Variants in C2CD5 observed in about 807,000 individuals in gnomAD.
C2CD5 encodes C2 calcium dependent domain containing 5, also known as C2 domain-containing protein 5.
A neutral mutation model predicts 130.3 loss-of-function variants in C2CD5; 109 were observed. The observed-to-expected ratio is 0.84, with a 90% CI of 0.72 to 0.98. The LOEUF is 0.98. Among genes scored for constraint, C2CD5 ranks in the 50% least tolerant of loss-of-function variants. C2CD5 has a pLI of 0.00. For missense variants in C2CD5, 996 were observed against 1,261.8 expected, an observed-to-expected ratio of 0.79 and a Z score of 3.19; for synonymous variants, 454 against 429.2, an observed-to-expected ratio of 1.06 and a Z score of -0.71.
At chr12:22,477,213 T>C (rs926423182) in intron 15 of C2CD5, 12 of 152,152 alleles carry the variant, frequency 7.9e-5, no homozygotes, top group African/African-American at 2.4e-4. Context: ...TATTTTACAC[T>C]ACTTTTTCAC....
At chr12:22,489,997 G>T in intron 12 of C2CD5, 126 bp downstream of exon 12, 1 of 619,172 alleles carries the variant, frequency 1.6e-6, no homozygotes, top group South Asian at 2.1e-5. Flanking sequence ...GAAGTGCTTG[G>T]TCCTGATTTC....
chr12:22,527,204 T>C (rs1950794577), intron 4 of C2CD5, among the ~76,000 whole-genome samples: 1 of 152,096 alleles, frequency 6.6e-6, no homozygotes. Context: ...TACTATACTA[T>C]ACAAATTTAG....
intron 7 of C2CD5, among the ~76,000 whole-genome samples, chr12:22,522,907 T>C (rs573334986): frequency 3.5e-4 from 54 of 152,290 alleles, no homozygotes; most frequent in Non-Finnish European, 5.1e-4. Flanking sequence ...TATTACTTAA[T>C]TTGTTTCATA....
chr12:22,470,006 G>GA (rs1358718772), intron 21 of C2CD5, among the ~76,000 whole-genome samples: 1 of 152,034 alleles, frequency 6.6e-6, no homozygotes, highest in Non-Finnish European at 1.5e-5. Flanking sequence ...TGACTCTTGT[G>GA]AAGCTTTAAG....
At chr12:22,503,395 T>C (rs1948058632) in intron 10 of C2CD5, among the ~76,000 whole-genome samples, 1 of 152,194 alleles carries the variant, frequency 6.6e-6, no homozygotes, top group South Asian at 2.1e-4. Flanking sequence ...TTTTCTTCAA[T>C]ATATTAAAAT....
chr12:22,485,662 C>T (rs1483981700), intron 12 of C2CD5, among the ~76,000 whole-genome samples: 3 of 152,058 alleles, frequency 2.0e-5, no homozygotes, highest in Admixed American at 6.5e-5. Context: ...TAGCAGGCCT[C>T]ATGTTTGAAT....
chr12:22,483,023 A>G (rs1441368682), intron 13 of C2CD5, among the ~76,000 whole-genome samples: 1 of 152,192 alleles, frequency 6.6e-6, no homozygotes, highest in East Asian at 1.9e-4. Context: ...ACAAGTTAAA[A>G]TAACTAAAAG....
intron 2 of C2CD5, among the ~76,000 whole-genome samples, chr12:22,538,884 C>T (rs563208987): frequency 1.8e-4 from 27 of 152,132 alleles, no homozygotes; most frequent in Admixed American, 2.6e-4. Flanking sequence ...TCATTATCTC[C>T]CTCTTCTATG....
chr12:22,530,113 C>CAT (rs1463327783), intron 3 of C2CD5, among the ~76,000 whole-genome samples: 54 of 51,476 alleles, frequency 1.0e-3, no homozygotes, highest in East Asian at 3.3e-3. Flanking sequence ...TATATATATA[C>CAT]ACACACACAC....
At chr12:22,530,214 A>G (rs1237676211) in intron 3 of C2CD5, among the ~76,000 whole-genome samples, 1 of 147,742 alleles carries the variant, frequency 6.8e-6, no homozygotes, top group Non-Finnish European at 1.5e-5. Context: ...CAGTATATAT[A>G]TAACTGTATA....
At chr12:22,519,102 A>T in intron 7 of C2CD5, 1 of 1,532,996 alleles carries the variant, frequency 6.5e-7, no homozygotes, top group Non-Finnish European at 8.7e-7. Context: ...CTGGAGTCTG[A>T]GCAGTCTCGT....
At chr12:22,525,970 G>A (rs879755720) in intron 4 of C2CD5, among the ~76,000 whole-genome samples, 8 of 152,074 alleles carry the variant, frequency 5.3e-5, no homozygotes, top group Admixed American at 3.9e-4. Context: ...TAAGTGTTCG[G>A]TGCACATTTG....
At chr12:22,496,227 T>C (rs1270989016) in intron 10 of C2CD5, among the ~76,000 whole-genome samples, 3 of 152,130 alleles carry the variant, frequency 2.0e-5, no homozygotes, top group African/African-American at 7.2e-5. Context: ...CCTATCCTAT[T>C]ACCAATAAAA....
In C2CD5 at chr12:22,506,836, G is replaced by C; in HGVS notation, c.1039-17C>G. Reference sequence around the variant, plus strand: ...TGGAAATTCCTAGTGGAAAGAATAAGGGAAAAATACAACTTATCGTGTGTA... The same window carrying C: ...TGGAAATTCCTAGTGGAAAGAATAACGGAAAAATACAACTTATCGTGTGTA... On this transcript the variant is annotated splice_polypyrimidine_tract_variant and intron_variant, in intron 9 of 26. Transcript: ENST00000446597. 2.1e-6 allele frequency: 3 copies of C among 1,434,052 alleles called. No individual in the cohort carries two copies. The South Asian group carries it at 3.4e-5, about 16-fold the overall frequency. 88.8% of individuals were successfully genotyped at this position (1,434,052 alleles called of 1,614,324 possible). A position where few individuals can be genotyped will look rare whatever the true frequency, so the allele number is the denominator to read the frequency against.
chr12:22,536,494 T>A (rs1181598090), intron 2 of C2CD5, among the ~76,000 whole-genome samples: 1 of 152,156 alleles, frequency 6.6e-6, no homozygotes, highest in Non-Finnish European at 1.5e-5. Flanking sequence ...AAAAATATAG[T>A]CATTCAGCAG....
chr12:22,484,792 G>A lies in C2CD5; in HGVS notation c.1455C>T (p.Asn485=). 1 of 1,608,334 alleles carries A rather than the reference G, an allele frequency of 6.2e-7. No individual in the cohort carries two copies. The highest frequency in any genetic ancestry group is 8.5e-7 in the Non-Finnish European group (1 of 1,176,044). Reference sequence around the variant, plus strand: ...CATCAGGAACTTTTTGTTTCCTGCAGTTATAGCAATATGTGAGATGAGCTG... The same window carrying A: ...CATCAGGAACTTTTTGTTTCCTGCAATTATAGCAATATGTGAGATGAGCTG... ...PFPAHLTYCY[N]CRKQKVPDVL... The change falls in exon 13 of 27, where the codon AAC becomes AAT. Residue 485 remains asparagine, a synonymous_variant. Coordinates refer to ENST00000446597, the MANE Select transcript of C2CD5 (RefSeq NM_001286176.2).
chr12:22,541,963 G>A (rs1952432189), intron 2 of C2CD5, among the ~76,000 whole-genome samples: 1 of 152,158 alleles, frequency 6.6e-6, no homozygotes, highest in South Asian at 2.1e-4. Context: ...TTCAAAGAAG[G>A]AAGTAATAAG....
intron 22 of C2CD5, among the ~76,000 whole-genome samples, chr12:22,462,999 G>A (rs749893719): frequency 2.6e-5 from 4 of 151,546 alleles, no homozygotes; most frequent in Non-Finnish European, 5.9e-5. Flanking sequence ...CGGGAGGATC[G>A]CTTGAACCCA....
intron 11 of C2CD5, 88 bp downstream of exon 11, chr12:22,493,135 T>C: frequency 2.7e-6 from 2 of 748,452 alleles, no homozygotes; most frequent in Non-Finnish European, 2.2e-6. Flanking sequence ...TTCGCTATTC[T>C]CTTTTCTTTT....
Sources: allele counts gnomAD v4.1 joint callset (sites outside exome capture counted in the v4.1 genomes callset), GRCh38; gene constraint gnomAD v4.1.1; transcripts MANE v1.5; gene names NCBI Gene and HGNC (gene_info 2026-07-23, HGNC 2026-07-21).